AKT3: variants seen among roughly 807,000 people sequenced by gnomAD.
The protein encoded by AKT3 is RAC-gamma serine/threonine-protein kinase.
AKT3 carries 15 observed loss-of-function variants against 65.3 expected under a neutral mutation model. The ratio of observed to expected loss-of-function variants is 0.23; its 90% CI spans 0.15 to 0.35. The LOEUF (loss-of-function observed/expected upper bound fraction) is 0.35, where lower values mean the gene tolerates loss of function less well. Among genes scored for constraint, AKT3 ranks in the 10% least tolerant of loss-of-function variants. The pLI, the probability that AKT3 is intolerant of heterozygous loss-of-function variation, is 1.00. For missense variants in AKT3, 243 were observed against 576.5 expected (o/e 0.42, Z 5.92); for synonymous variants, 206 against 183.8 (o/e 1.12, Z -0.98).
chr1:243,708,618 A>G (rs1474846755), intron 2 of AKT3, among the ~76,000 whole-genome samples: 3 of 152,044 alleles, frequency 2.0e-5, no homozygotes, highest in Non-Finnish European at 4.4e-5. Flanking sequence ...GGCATCAGGA[A>G]GGAAAATGCA....
chr1:243,750,564 CTTG>C (rs1240567833), intron 2 of AKT3, among the ~76,000 whole-genome samples: 1 of 151,358 alleles, frequency 6.6e-6, no homozygotes, highest in Non-Finnish European at 1.5e-5. Flanking sequence ...TTAGTAAATG[CTTG>C]TTGATTAAGG....
Position 243,599,259 on chromosome 1 carries a change from T to C in AKT3, c.696+14412A>G, listed in dbSNP as rs146457412. On this transcript the variant is annotated intron_variant, in intron 8 of 13. Transcript: ENST00000673466. ...GTTTTTATGCAAAAGGAAAATGTAA[T>C]AGATGAAAATGTATACCAACACAAA... 1.6e-3 allele frequency among the ~76,000 whole-genome samples: 243 copies of C among 152,190 alleles called. 2 individuals carry two copies. Among genetic ancestry groups the C allele is most frequent in the African/African-American group, 5.5e-3 (227 of 41,524 alleles).
intron 1 of AKT3, among the ~76,000 whole-genome samples, chr1:243,847,951 A>G (rs1695588092): frequency 6.6e-6 from 1 of 152,212 alleles, no homozygotes. Flanking sequence ...TCACTCCAGT[A>G]ATAATTATGG....
At chr1:243,656,773 G>A (rs1250266648) in intron 4 of AKT3, among the ~76,000 whole-genome samples, 1 of 152,250 alleles carries the variant, frequency 6.6e-6, no homozygotes, top group Admixed American at 6.5e-5. Flanking sequence ...CTCTGTATGT[G>A]AGTGTGAGTG....
chr1:243,510,277 C>T (rs1669935524), intron 13 of AKT3, among the ~76,000 whole-genome samples: 1 of 152,154 alleles, frequency 6.6e-6, no homozygotes, highest in Non-Finnish European at 1.5e-5. Flanking sequence ...ATGCACCTAA[C>T]AAGTATTATT....
At chr1:243,670,244 A>T (rs1683071594) in intron 3 of AKT3, among the ~76,000 whole-genome samples, 1 of 152,204 alleles carries the variant, frequency 6.6e-6, no homozygotes, top group Non-Finnish European at 1.5e-5. Flanking sequence ...CTACACCAAG[A>T]TGTTCAAGTG....
At chr1:243,727,308 G>T (rs1429715051) in intron 2 of AKT3, among the ~76,000 whole-genome samples, 4 of 152,108 alleles carry the variant, frequency 2.6e-5, no homozygotes, top group Non-Finnish European at 4.4e-5. Context: ...TTGATTGATT[G>T]ATTGAGACAG....
chr1:243,533,258 TA>T (rs772819397), intron 12 of AKT3, among the ~76,000 whole-genome samples: 9 of 152,076 alleles, frequency 5.9e-5, no homozygotes, highest in Non-Finnish European at 1.0e-4. Context: ...CACATGGAAC[TA>T]AAAAAATGTC....
At chr1:243,733,579 T>C (rs1687677930) in intron 2 of AKT3, among the ~76,000 whole-genome samples, 1 of 152,196 alleles carries the variant, frequency 6.6e-6, no homozygotes, top group Non-Finnish European at 1.5e-5. Context: ...TAAACATATG[T>C]AGTGACCAAA....
rs112136837 is a variant in AKT3, at chr1:243,720,130, C to T, written c.47-24414G>A. On this transcript the variant is annotated intron_variant, in intron 2 of 13. Coordinates refer to ENST00000673466, the MANE Select transcript of AKT3 (RefSeq NM_005465.7). ...GAGGTCAAGACCAGCCTGACCCCAT[C>T]TCTACTAAAAATACAAAATTGCCCG... 7.1e-4 allele frequency among the ~76,000 whole-genome samples: 108 copies of T among 152,006 alleles called. 1 individual carries two copies. The highest frequency in any genetic ancestry group is 1.3e-3 in the Admixed American group (20 of 15,264).
chr1:243,824,154 G>A (rs187877863), intron 2 of AKT3, among the ~76,000 whole-genome samples: 1 of 152,260 alleles, frequency 6.6e-6, no homozygotes. Flanking sequence ...AACAAGCAAT[G>A]GGGAAAGGAT....
chr1:243,814,811 C>A (rs1693403344), intron 2 of AKT3: 1 of 152,174 alleles, frequency 6.6e-6, no homozygotes, highest in South Asian at 2.1e-4. Context: ...GTCAGGAATT[C>A]AAGACCAGTG....
At chr1:243,536,675 G>A (rs933247586) in intron 12 of AKT3, among the ~76,000 whole-genome samples, 5 of 152,068 alleles carry the variant, frequency 3.3e-5, no homozygotes, top group Admixed American at 2.0e-4. Context: ...CCAATTTGAA[G>A]GCTTTTAAAG....
At chr1:243,843,474 C>A in intron 1 of AKT3, 192 bp from the exon 2 acceptor site, 1 of 1,080,992 alleles carries the variant, frequency 9.3e-7, no homozygotes, top group Non-Finnish European at 1.1e-6. Flanking sequence ...TGACCAATTT[C>A]AAATGATAGT....
intron 4 of AKT3, among the ~76,000 whole-genome samples, chr1:243,651,841 T>C (rs1429268304): frequency 6.6e-6 from 1 of 152,154 alleles, no homozygotes; most frequent in African/African-American, 2.4e-5. Flanking sequence ...TCAGGGATAC[T>C]GGCCTGACAT....
At chr1:243,717,066 G>C (rs1558748933) in intron 2 of AKT3, among the ~76,000 whole-genome samples, 1 of 152,160 alleles carries the variant, frequency 6.6e-6, no homozygotes. Context: ...ATCTCAGTCT[G>C]TCTGCTCCAT....
At chr1:243,800,114 T>C (rs918351537) in intron 2 of AKT3, among the ~76,000 whole-genome samples, 5 of 152,202 alleles carry the variant, frequency 3.3e-5, no homozygotes, top group African/African-American at 9.7e-5. Context: ...CATTGAGCAA[T>C]CTCATCTGTA....
chr1:243,546,259 A>G (rs892987693), intron 11 of AKT3, among the ~76,000 whole-genome samples: 3 of 152,084 alleles, frequency 2.0e-5, no homozygotes, highest in Non-Finnish European at 4.4e-5. Flanking sequence ...AGTCCAATAA[A>G]CCCCTTTTTC....
chr1:243,659,268 T>C (rs10927056), intron 4 of AKT3, among the ~76,000 whole-genome samples: 87,432 of 152,080 alleles, frequency 0.57, 27,482 homozygotes, highest in Non-Finnish European at 0.71. Context: ...GCTGGGGGTA[T>C]GGGAATGGAG....
Sources: gnomAD v4.1 joint callset for allele counts (sites outside exome capture counted in the v4.1 genomes callset) on GRCh38, gnomAD v4.1.1 for gene constraint, MANE v1.5 for transcripts, NCBI Gene and HGNC (gene_info 2026-07-23, HGNC 2026-07-21) for gene names.